Variants in SH3KBP1 observed in about 807,000 individuals in gnomAD.
The protein encoded by SH3KBP1 is SH3 domain-containing kinase-binding protein 1.
A neutral mutation model predicts 50.1 loss-of-function variants in SH3KBP1; 8 were observed. That is an observed-to-expected ratio of 0.16 (90% CI 0.09 to 0.29). The LOEUF (loss-of-function observed/expected upper bound fraction) is 0.29. SH3KBP1 is among the 10% of genes least tolerant of loss of function. The probability of loss-of-function intolerance (pLI) is 1.00; values close to 1 mark genes in which losing one functional copy is unlikely to be tolerated. For missense variants in SH3KBP1, 377 were observed against 535.2 expected (o/e 0.70, Z 2.92); for synonymous variants, 227 against 218.6 (o/e 1.04, Z -0.34).
rs140735596 is a variant in SH3KBP1, at chrX:19,857,439, G to A, written c.5-21157C>T. Among the ~76,000 whole-genome samples, 3 of 110,845 alleles carry A rather than the reference G, an allele frequency of 2.7e-5. No homozygotes were observed. The East Asian group carries it at 8.6e-4, about 32-fold the overall frequency. ...AGGAGCTTGATTAAGAGACATTCCT[G>A]TGGCTGGGCCCAGTGGCTCACACCT... is the stretch of plus-strand genomic sequence containing the variant. On this transcript the variant is annotated intron_variant, in intron 1 of 17. Coordinates refer to ENST00000397821, the MANE Select transcript of SH3KBP1 (RefSeq NM_031892.3).
intron 1 of SH3KBP1, among the ~76,000 whole-genome samples, chrX:19,841,402 A>G (rs1380180115): frequency 8.9e-6 from 1 of 112,523 alleles, no homozygotes; most frequent in East Asian, 2.8e-4. Context: ...CATGAAGGAG[A>G]ATGAAAGTTT....
chrX:19,574,452 G>A (rs1051710969), intron 12 of SH3KBP1, among the ~76,000 whole-genome samples: 1 of 112,830 alleles, frequency 8.9e-6, no homozygotes, highest in Non-Finnish European at 1.9e-5. Flanking sequence ...TAGTGTGGAT[G>A]ACTTATAAAC....
chrX:19,767,327 A>G (rs1241350098), intron 2 of SH3KBP1, among the ~76,000 whole-genome samples: 1 of 112,128 alleles, frequency 8.9e-6, no homozygotes, highest in Non-Finnish European at 1.9e-5. Context: ...TTTCTCCCAC[A>G]TTCTGACATT....
intron 1 of SH3KBP1, among the ~76,000 whole-genome samples, chrX:19,879,961 G>T (rs889688113): frequency 8.9e-6 from 1 of 112,188 alleles, no homozygotes; most frequent in Admixed American, 9.4e-5. Context: ...CCTGTGCATC[G>T]TAGGATGTTT....
intron 12 of SH3KBP1, chrX:19,588,331 G>A (rs972837833): frequency 8.4e-6 from 9 of 1,065,961 alleles, no homozygotes; most frequent in Non-Finnish European, 9.7e-6. Context: ...CCAGGCTGAA[G>A]GGCAGTTGGC....
intron 3 of SH3KBP1, among the ~76,000 whole-genome samples, chrX:19,742,389 CTG>C (rs747080061): frequency 1.3e-4 from 15 of 111,558 alleles, no homozygotes; most frequent in Non-Finnish European, 2.6e-4. Context: ...GAATGAGTCA[CTG>C]TGTCCAGCTT....
chrX:19,770,961 T>TATTTTCTCTC (rs1265797421), intron 2 of SH3KBP1, among the ~76,000 whole-genome samples: 1 of 111,752 alleles, frequency 8.9e-6, no homozygotes. Context: ...AGTTTGCAAA[T>TATTTTCTCTC]ATTTTCTCTC....
chrX:19,720,633 T>C (rs947659197), intron 3 of SH3KBP1, among the ~76,000 whole-genome samples: 2 of 111,972 alleles, frequency 1.8e-5, no homozygotes, highest in Admixed American at 9.5e-5. Flanking sequence ...CCCTCTAACA[T>C]ATCTATTTTT....
chrX:19,655,021 G>T (rs1291268193), intron 6 of SH3KBP1, among the ~76,000 whole-genome samples: 1 of 111,844 alleles, frequency 8.9e-6, no homozygotes, highest in East Asian at 2.8e-4. Flanking sequence ...CAATATATTT[G>T]AATCCCATCT....
intron 16 of SH3KBP1, among the ~76,000 whole-genome samples, 159 bp downstream of exon 16, chrX:19,541,766 C>G (rs2064909700): frequency 8.9e-6 from 1 of 111,764 alleles, no homozygotes; most frequent in South Asian, 3.8e-4. Flanking sequence ...TAAATTAAGA[C>G]TCTCGGGGTC....
chrX:19,630,056 A>G (rs753473776), intron 8 of SH3KBP1, among the ~76,000 whole-genome samples: 10 of 112,298 alleles, frequency 8.9e-5, no homozygotes, highest in Non-Finnish European at 1.9e-4. Flanking sequence ...ATGTGTTCTC[A>G]TTATGATATG....
At chrX:19,673,350 C>G (rs1392106402) in intron 6 of SH3KBP1, among the ~76,000 whole-genome samples, 1 of 111,804 alleles carries the variant, frequency 8.9e-6, no homozygotes, top group Admixed American at 9.5e-5. Context: ...AAGGCCCTCT[C>G]AACTTCAAAT....
At chrX:19,673,547 A>C (rs888205908) in intron 6 of SH3KBP1, among the ~76,000 whole-genome samples, 4 of 111,307 alleles carry the variant, frequency 3.6e-5, no homozygotes, top group African/African-American at 1.3e-4. Context: ...AGGTGGGCCC[A>C]TCTGCCCCTT....
Position 19,554,818 on chromosome X carries a change from T to C in SH3KBP1, c.1385-4735A>G, listed in dbSNP as rs778187013. Reference sequence around the variant, plus strand: ...GAAAAAAAATGTATCAAATATGAGATTGCTTGCTGAAAAGGGAACCTCAGG... The same window carrying C: ...GAAAAAAAATGTATCAAATATGAGACTGCTTGCTGAAAAGGGAACCTCAGG... On this transcript the variant is annotated intron_variant, in intron 13 of 17. Coordinates refer to ENST00000397821, the MANE Select transcript of SH3KBP1 (RefSeq NM_031892.3). 4.4e-5 allele frequency among the ~76,000 whole-genome samples: 5 copies of C among 112,697 alleles called. No individual in the cohort carries two copies. In the South Asian group the frequency reaches 1.4e-3, roughly 32 times the overall value.
rs760618608 is a variant in SH3KBP1, at chrX:19,828,218, A to G, written c.162+7907T>C. On this transcript the variant is annotated intron_variant, in intron 2 of 17. Transcript: ENST00000397821. ...TCTCTAAGACATGAACCAGTTTTGA[A>G]CCTAACTTAGCAATCTTATTTGAAC... Among the ~76,000 whole-genome samples, 4 of 109,987 alleles carry G rather than the reference A, an allele frequency of 3.6e-5. No individual in the cohort carries two copies. The Admixed American group carries it at 3.9e-4, about 11-fold the overall frequency.
intron 12 of SH3KBP1, among the ~76,000 whole-genome samples, chrX:19,587,857 C>T (rs2066617098): frequency 1.8e-5 from 2 of 112,397 alleles, no homozygotes; most frequent in South Asian, 7.3e-4. Context: ...TACCTAAAGA[C>T]CTCTGAGTCA....
intron 5 of SH3KBP1, among the ~76,000 whole-genome samples, chrX:19,685,660 C>T (rs1284223746): frequency 9.0e-6 from 1 of 111,670 alleles, no homozygotes; most frequent in African/African-American, 3.3e-5. Flanking sequence ...TGCAAATATC[C>T]CTGCTGGAGA....
intron 6 of SH3KBP1, among the ~76,000 whole-genome samples, chrX:19,654,943 C>G (rs1456241242): frequency 8.9e-6 from 1 of 111,828 alleles, no homozygotes; most frequent in African/African-American, 3.3e-5. Flanking sequence ...CTTTTCAGAT[C>G]CAAAATATTT....
In SH3KBP1 at chrX:19,588,696, G is replaced by A. The variant is rs1401682450; in HGVS notation, c.1245C>T (p.Gly415=). 8.3e-6 allele frequency: 10 copies of A among 1,205,527 alleles called. No individual in the cohort carries two copies. The highest frequency in any genetic ancestry group is 5.9e-5 in the East Asian group (2 of 33,631). ...PPKTNSLSRP[G]ALPPRRPERP... Reference sequence around the variant, plus strand: ...TCTCCGGCCTTCTCGGGGGCAGTGCGCCAGGTCTGCTGAGAGAATTGGTCT... The same window carrying A: ...TCTCCGGCCTTCTCGGGGGCAGTGCACCAGGTCTGCTGAGAGAATTGGTCT... Residue 415 remains glycine (G), a synonymous_variant, in exon 12 of 18, where the codon GGC becomes GGT. Coordinates refer to ENST00000397821, the MANE Select transcript of SH3KBP1 (RefSeq NM_031892.3).
Sources: allele counts gnomAD v4.1 joint callset (sites outside exome capture counted in the v4.1 genomes callset), GRCh38; gene constraint gnomAD v4.1.1; transcripts MANE v1.5; gene names NCBI Gene and HGNC (gene_info 2026-07-23, HGNC 2026-07-21).